The following RBFOX1 variants were observed in gnomAD, a reference collection of about 807,000 sequenced individuals.
The protein encoded by RBFOX1 is RNA binding fox-1 homolog 1.
In RBFOX1, 8 loss-of-function variants were observed where a neutral mutation model predicts 57.7. The ratio of observed to expected loss-of-function variants is 0.14; its 90% CI spans 0.08 to 0.25. RBFOX1 has a LOEUF of 0.25. Ranked by LOEUF, RBFOX1 falls within the 10% of genes least tolerant of loss-of-function variation. The probability of loss-of-function intolerance (pLI) is 1.00; values close to 1 mark genes in which losing one functional copy is unlikely to be tolerated. For synonymous variants in RBFOX1, 326 were observed against 222.4 expected, an observed-to-expected ratio of 1.47 and a Z score of -4.15; for missense variants, 611 against 548.5, an observed-to-expected ratio of 1.11 and a Z score of -1.14.
chr16:7,317,878 G>A (rs149587372), intron 4 of RBFOX1, among the ~76,000 whole-genome samples: 18 of 152,294 alleles, frequency 1.2e-4, no homozygotes, highest in East Asian at 9.6e-4. Context: ...AGTATGGCAC[G>A]AGCTAGTTTG....
chr16:5,785,263 G>A (rs114060214), intron 3 of RBFOX1, among the ~76,000 whole-genome samples: 89 of 152,266 alleles, frequency 5.8e-4, no homozygotes, highest in African/African-American at 1.9e-3. Context: ...CCTCAACTAA[G>A]GAACTTAAAT....
intron 3 of RBFOX1, among the ~76,000 whole-genome samples, chr16:6,909,879 G>C (rs566410505): frequency 6.6e-6 from 1 of 152,220 alleles, no homozygotes; most frequent in East Asian, 1.9e-4. Context: ...GAATTTGCCT[G>C]CATATCGGTT....
intron 3 of RBFOX1, among the ~76,000 whole-genome samples, chr16:7,034,841 C>CTTTATTTTTTTTTT (rs2043856073): frequency 2.6e-5 from 1 of 39,166 alleles, no homozygotes; most frequent in Non-Finnish European, 4.4e-5. Flanking sequence ...TTTTTTTTTT[C>CTTTATTTTTTTTTT]TTTTTTCTTT....
chr16:7,490,186 G>A (rs540917550), intron 4 of RBFOX1, among the ~76,000 whole-genome samples: 8 of 152,254 alleles, frequency 5.3e-5, no homozygotes, highest in East Asian at 1.9e-4. Flanking sequence ...CTGATTTGAC[G>A]TTTTCCCCCC....
intron 1 of RBFOX1, among the ~76,000 whole-genome samples, chr16:6,166,790 T>G (rs2096920942): frequency 6.6e-6 from 1 of 152,108 alleles, no homozygotes; most frequent in Admixed American, 6.5e-5. Flanking sequence ...TTTGTTTTTT[T>G]TGAGATGGAG....
intron 1 of RBFOX1, among the ~76,000 whole-genome samples, chr16:6,275,767 GAAGA>G (rs1378946624): frequency 1.3e-5 from 2 of 152,248 alleles, no homozygotes; most frequent in Non-Finnish European, 2.9e-5. Flanking sequence ...GCAAGAAATA[GAAGA>G]AAGTGATTAT....
chr16:6,324,540 G>A (rs2082158545), intron 2 of RBFOX1, among the ~76,000 whole-genome samples: 1 of 152,136 alleles, frequency 6.6e-6, no homozygotes, highest in African/African-American at 2.4e-5. Context: ...AAGAGAGGGA[G>A]AGGAGGCACC....
intron 3 of RBFOX1, among the ~76,000 whole-genome samples, chr16:5,695,567 G>A (rs4786756): frequency 6.6e-6 from 1 of 152,136 alleles, no homozygotes; most frequent in Non-Finnish European, 1.5e-5. Context: ...TCAATCTTAG[G>A]ATTGCTAAAA....
At chr16:5,715,151 A>G (rs1005252875) in intron 3 of RBFOX1, among the ~76,000 whole-genome samples, 10 of 152,210 alleles carry the variant, frequency 6.6e-5, no homozygotes, top group Admixed American at 5.9e-4. Context: ...TAATGCATTA[A>G]CACTAACCAT....
intron 3 of RBFOX1, among the ~76,000 whole-genome samples, chr16:5,755,899 C>G (rs1014280914): frequency 2.0e-5 from 3 of 152,096 alleles, no homozygotes; most frequent in African/African-American, 7.2e-5. Flanking sequence ...CACCCGGCCT[C>G]TAATTCCTTT....
chr16:5,889,935 G>A lies in RBFOX1; in HGVS notation c.351+22600G>A, dbSNP rs1176309738. On this transcript the variant is annotated intron_variant, in intron 4 of 19. Transcript: ENST00000641259. ...AGGATCTGGCAGAGGACGAAGACTG[G>A]GCAAACAGCCTCTGTGATGATCACA... 2.0e-5 allele frequency among the ~76,000 whole-genome samples: 3 copies of A among 152,204 alleles called. No individual in the cohort carries two copies. In the East Asian group the frequency reaches 5.8e-4, roughly 29 times the overall value.
chr16:5,396,092 G>C (rs943745064), intron 1 of RBFOX1, among the ~76,000 whole-genome samples: 4 of 152,168 alleles, frequency 2.6e-5, no homozygotes, highest in Non-Finnish European at 5.9e-5. Context: ...TAACAAATGT[G>C]TGTTGTTTTA....
chr16:5,446,684 C>T (rs1382415854), intron 1 of RBFOX1, among the ~76,000 whole-genome samples: 1 of 151,990 alleles, frequency 6.6e-6, no homozygotes, highest in African/African-American at 2.4e-5. Flanking sequence ...TTCCAGAAGA[C>T]CCTGTAGGAA....
At chr16:5,248,159 T>G (rs1567232496) in intron 1 of RBFOX1, among the ~76,000 whole-genome samples, 1 of 152,114 alleles carries the variant, frequency 6.6e-6, no homozygotes, top group Non-Finnish European at 1.5e-5. Context: ...GCCCCCAAAT[T>G]ACTAGGAAGG....
intron 3 of RBFOX1, among the ~76,000 whole-genome samples, chr16:6,700,306 A>G (rs1317663842): frequency 1.3e-5 from 2 of 152,110 alleles, no homozygotes; most frequent in Non-Finnish European, 2.9e-5. Flanking sequence ...ATAACAGTAT[A>G]ACATGCTTAC....
chr16:5,496,097 G>A lies in RBFOX1; in HGVS notation c.258+28843G>A, dbSNP rs962537896. Reference sequence around the variant, plus strand: ...GCCAACATCGCACCACCACACTCCAGCCTGGGTGACAGTGCGAGACTCCAT... The same window carrying A: ...GCCAACATCGCACCACCACACTCCAACCTGGGTGACAGTGCGAGACTCCAT... On this transcript the variant is annotated intron_variant, in intron 2 of 2. Coordinates refer to the RBFOX1 transcript ENST00000585867. Among the ~76,000 whole-genome samples the A allele has an allele frequency of 3.9e-5, 6 of 152,278 alleles. No homozygotes were observed. In the East Asian group the frequency reaches 1.2e-3, roughly 29 times the overall value.
At chr16:6,328,372 C>T (rs1358630593) in intron 2 of RBFOX1, among the ~76,000 whole-genome samples, 4 of 152,088 alleles carry the variant, frequency 2.6e-5, no homozygotes, top group African/African-American at 7.2e-5. Flanking sequence ...TCACAGATCG[C>T]CACTAAAGAA....
intron 3 of RBFOX1, among the ~76,000 whole-genome samples, chr16:6,811,861 C>T (rs371965914): frequency 1.5e-3 from 235 of 152,038 alleles, no homozygotes; most frequent in Non-Finnish European, 2.4e-3. Context: ...TGCACTCGAG[C>T]CTGGGCAACA....
intron 4 of RBFOX1, among the ~76,000 whole-genome samples, chr16:7,141,591 C>T (rs571526450): frequency 1.3e-5 from 2 of 152,156 alleles, no homozygotes; most frequent in Admixed American, 6.5e-5. Flanking sequence ...CTCCCTGTAC[C>T]AGATGAAAGA....
Sources: allele counts gnomAD v4.1 joint callset (sites outside exome capture counted in the v4.1 genomes callset), GRCh38; gene constraint gnomAD v4.1.1; transcripts MANE v1.5; gene names NCBI Gene and HGNC (gene_info 2026-07-23, HGNC 2026-07-21).